RPS6KA2: variants seen among roughly 807,000 people sequenced by gnomAD.
RPS6KA2 encodes the protein ribosomal protein S6 kinase A2.
Under a neutral mutation model 91.8 loss-of-function variants are expected in RPS6KA2, and 42 were observed. The observed-to-expected ratio is 0.46, with a 90% CI of 0.36 to 0.59. The LOEUF is 0.59. Ranked by LOEUF, RPS6KA2 falls within the 20% of genes least tolerant of loss-of-function variation. The pLI is 0.00. For missense variants in RPS6KA2, 798 were observed against 978.5 expected (o/e 0.82, Z 2.46); for synonymous variants, 414 against 393.6 (o/e 1.05, Z -0.61).
At chr6:166,469,770 C>G in intron 11 of RPS6KA2, 71 bp downstream of exon 11, 4 of 1,376,420 alleles carry the variant, frequency 2.9e-6, no homozygotes, top group South Asian at 1.2e-5. Context: ...CCCTCTGCAC[C>G]AAGCCGTATG....
At chr6:166,750,032 C>A (rs992220309) in intron 2 of RPS6KA2, among the ~76,000 whole-genome samples, 2 of 152,026 alleles carry the variant, frequency 1.3e-5, no homozygotes, top group Admixed American at 1.3e-4. Flanking sequence ...CGGCTTGAGT[C>A]AGCGGGGAGG....
intron 1 of RPS6KA2, among the ~76,000 whole-genome samples, chr6:166,859,001 G>A (rs1440772169): frequency 1.3e-5 from 1 of 79,576 alleles, no homozygotes; most frequent in African/African-American, 2.9e-5. Flanking sequence ...AGCACCGGCT[G>A]CCATGCAGCA....
chr6:166,479,397 G>A (rs575782971), intron 10 of RPS6KA2, among the ~76,000 whole-genome samples: 11 of 152,380 alleles, frequency 7.2e-5, no homozygotes, highest in South Asian at 2.1e-4. Context: ...CAGCCACGGC[G>A]AGGTGGCAGT....
intron 19 of RPS6KA2, among the ~76,000 whole-genome samples, chr6:166,416,620 TCCA>T (rs1562479131): frequency 1.3e-5 from 2 of 150,450 alleles, no homozygotes; most frequent in South Asian, 2.1e-4. Context: ...CTGTCATCCC[TCCA>T]CCATCAGCTC....
chr6:166,432,307 A>C, intron 15 of RPS6KA2, 94 bp downstream of exon 15: 1 of 785,020 alleles, frequency 1.3e-6, no homozygotes, highest in Admixed American at 2.2e-5. Context: ...GACAGGCATG[A>C]GATGTGAGAA....
rs117294787 is a variant in RPS6KA2, at chr6:166,475,258, C to T, written c.908-5353G>A. 5.6e-4 allele frequency among the ~76,000 whole-genome samples: 86 copies of T among 152,280 alleles called. 4 individuals carry two copies. In the East Asian group the frequency reaches 0.015, roughly 27 times the overall value. On this transcript the variant is annotated intron_variant, in intron 10 of 20. Coordinates refer to ENST00000265678, the MANE Select transcript of RPS6KA2 (RefSeq NM_021135.6). The stretch of plus-strand genomic sequence containing the variant: ...CCACACAACCACCAGAACAACAGTG[C>T]GAAGAAACAAGACTGGTGTCCCCTC...
chr6:166,785,416 C>A (rs749373771), intron 2 of RPS6KA2, among the ~76,000 whole-genome samples: 4 of 152,212 alleles, frequency 2.6e-5, no homozygotes, highest in Non-Finnish European at 5.9e-5. Context: ...TTTATGGGAG[C>A]TGTTGCTCCT....
chr6:166,699,073 T>A (rs572581523), intron 2 of RPS6KA2, among the ~76,000 whole-genome samples: 5 of 152,252 alleles, frequency 3.3e-5, no homozygotes, highest in African/African-American at 1.2e-4. Flanking sequence ...GCGACCCCTA[T>A]GAGTGCACCG....
At chr6:166,655,207 C>G (rs6915668) in intron 2 of RPS6KA2, among the ~76,000 whole-genome samples, 47,432 of 151,900 alleles carry the variant, frequency 0.31, 7,539 homozygotes, top group East Asian at 0.41. Flanking sequence ...CAAAGTTCAT[C>G]GGATCATAGT....
chr6:166,797,645 C>A (rs1172154314), intron 2 of RPS6KA2, among the ~76,000 whole-genome samples: 6 of 151,698 alleles, frequency 4.0e-5, no homozygotes, highest in Admixed American at 3.9e-4. Flanking sequence ...GTTGTCCAGG[C>A]AGGGGGTGCT....
chr6:166,511,286 C>A (rs115102636), intron 3 of RPS6KA2, among the ~76,000 whole-genome samples: 1 of 152,188 alleles, frequency 6.6e-6, no homozygotes, highest in Middle Eastern at 3.2e-3. Context: ...AGCATACATA[C>A]GTGATCCCTG....
chr6:166,530,183 G>A (rs1157715196), intron 3 of RPS6KA2, among the ~76,000 whole-genome samples: 8 of 152,148 alleles, frequency 5.3e-5, no homozygotes, highest in African/African-American at 1.7e-4. Context: ...TTCAAGTGCC[G>A]CCTTCACATC....
intron 2 of RPS6KA2, among the ~76,000 whole-genome samples, chr6:166,676,432 C>G (rs932385623): frequency 6.6e-6 from 1 of 152,204 alleles, no homozygotes; most frequent in East Asian, 1.9e-4. Flanking sequence ...GAAAGTGTGG[C>G]CGGTTGATCT....
At chr6:166,585,498 CTTTTTTTTTTT>C (rs58153048) in intron 1 of RPS6KA2, among the ~76,000 whole-genome samples, 1 of 86,304 alleles carries the variant, frequency 1.2e-5, no homozygotes, top group Non-Finnish European at 2.0e-5. Context: ...TCAAACAAGT[CTTTTTTTTTTT>C]TTTTTTTTTT....
intron 2 of RPS6KA2, among the ~76,000 whole-genome samples, chr6:166,731,182 C>T (rs1790502206): frequency 6.6e-6 from 1 of 151,960 alleles, no homozygotes; most frequent in Non-Finnish European, 1.5e-5. Context: ...GTGGAGGTTG[C>T]GGTGAGCCGA....
intron 2 of RPS6KA2, among the ~76,000 whole-genome samples, chr6:166,764,846 T>C (rs2128604587): frequency 6.6e-6 from 1 of 152,312 alleles, no homozygotes; most frequent in East Asian, 1.9e-4. Context: ...TTTCACACAT[T>C]TACACACTAC....
intron 2 of RPS6KA2, among the ~76,000 whole-genome samples, chr6:166,760,501 C>G (rs1778138976): frequency 6.6e-6 from 1 of 152,218 alleles, no homozygotes; most frequent in African/African-American, 2.4e-5. Flanking sequence ...CCACCCCCAT[C>G]GCGGTCTGGT....
chr6:166,649,267 T>C (rs149195621), intron 2 of RPS6KA2, among the ~76,000 whole-genome samples: 434 of 152,310 alleles, frequency 2.8e-3, no homozygotes, highest in African/African-American at 8.2e-3. Context: ...TCTTCTTAGA[T>C]CATCTATCCA....
intron 2 of RPS6KA2, among the ~76,000 whole-genome samples, chr6:166,644,747 C>T (rs1361380057): frequency 1.3e-5 from 2 of 152,168 alleles, no homozygotes; most frequent in Non-Finnish European, 2.9e-5. Flanking sequence ...AAGTCCTAAC[C>T]CCTAGTACCT....
Sources: gnomAD v4.1 joint callset for allele counts (sites outside exome capture counted in the v4.1 genomes callset) on GRCh38, gnomAD v4.1.1 for gene constraint, MANE v1.5 for transcripts, NCBI Gene and HGNC (gene_info 2026-07-23, HGNC 2026-07-21) for gene names.